Variants in CDH13 observed in about 807,000 individuals in gnomAD.
CDH13 encodes the protein cadherin 13.
A neutral mutation model predicts 63.8 loss-of-function variants in CDH13; 24 were observed. That is an observed-to-expected ratio of 0.38 (90% CI 0.27 to 0.53). The LOEUF (loss-of-function observed/expected upper bound fraction) is 0.53. Among genes scored for constraint, CDH13 ranks in the 20% least tolerant of loss-of-function variants. The pLI is 0.85. For missense variants in CDH13, 1,049 were observed against 903.1 expected, an observed-to-expected ratio of 1.16 and a Z score of -2.07; for synonymous variants, 503 against 355.3, an observed-to-expected ratio of 1.42 and a Z score of -4.67.
At chr16:82,766,655 T>C (rs2035064389) in intron 1 of CDH13, among the ~76,000 whole-genome samples, 1 of 152,242 alleles carries the variant, frequency 6.6e-6, no homozygotes, top group Non-Finnish European at 1.5e-5. Context: ...GGAGCCCTCA[T>C]TGTTTATGTC....
chr16:83,635,638 G>A (rs981550523), intron 8 of CDH13, among the ~76,000 whole-genome samples: 4 of 151,972 alleles, frequency 2.6e-5, no homozygotes, highest in Non-Finnish European at 4.4e-5. Context: ...CACCACGCCC[G>A]GCCCCATTTT....
intron 6 of CDH13, among the ~76,000 whole-genome samples, chr16:83,381,129 T>G (rs1274747071): frequency 6.6e-6 from 1 of 152,208 alleles, no homozygotes; most frequent in Non-Finnish European, 1.5e-5. Context: ...TATTTCATTG[T>G]GTCCTCAATA....
At chr16:83,173,205 C>G (rs1488546399) in intron 4 of CDH13, among the ~76,000 whole-genome samples, 1 of 152,098 alleles carries the variant, frequency 6.6e-6, no homozygotes, top group Non-Finnish European at 1.5e-5. Flanking sequence ...TAACTTGTTC[C>G]TGGTCATACA....
At chr16:82,705,856 C>A (rs776398407) in intron 1 of CDH13, among the ~76,000 whole-genome samples, 2 of 152,160 alleles carry the variant, frequency 1.3e-5, no homozygotes, top group Non-Finnish European at 2.9e-5. Context: ...ATTCTGACTG[C>A]ATGAAGAAGG....
chr16:82,821,131 C>G (rs1045946737), intron 1 of CDH13, among the ~76,000 whole-genome samples: 3 of 152,176 alleles, frequency 2.0e-5, no homozygotes, highest in Non-Finnish European at 2.9e-5. Flanking sequence ...ACTTCAGCAG[C>G]AACAACATTA....
intron 5 of CDH13, among the ~76,000 whole-genome samples, chr16:83,233,830 A>G (rs774627119): frequency 2.0e-5 from 3 of 152,154 alleles, no homozygotes; most frequent in Admixed American, 6.5e-5. Flanking sequence ...AACATAGTCA[A>G]AGTTTCCAGA....
At chr16:83,015,346 T>C (rs776688622) in intron 2 of CDH13, among the ~76,000 whole-genome samples, 8 of 151,922 alleles carry the variant, frequency 5.3e-5, no homozygotes, top group Non-Finnish European at 1.0e-4. Context: ...TGCAATTCAG[T>C]GATCAATAGA....
intron 3 of CDH13, among the ~76,000 whole-genome samples, chr16:83,059,950 C>A (rs2031375383): frequency 6.6e-6 from 1 of 151,854 alleles, no homozygotes; most frequent in Non-Finnish European, 1.5e-5. Context: ...CCCGCCAGCA[C>A]ACCCAGCTAA....
chr16:83,632,430 A>G (rs1910867198), intron 8 of CDH13, among the ~76,000 whole-genome samples: 1 of 152,086 alleles, frequency 6.6e-6, no homozygotes, highest in African/African-American at 2.4e-5. Flanking sequence ...TCCGTGCATG[A>G]CAAGGTGCTG....
intron 5 of CDH13, 144 bp from the exon 6 acceptor site, chr16:83,344,718 G>C (rs2090800377): frequency 4.1e-6 from 3 of 723,606 alleles, no homozygotes; most frequent in East Asian, 2.7e-5. Flanking sequence ...TCTAGTCCCA[G>C]TGACTATCCT....
intron 2 of CDH13, among the ~76,000 whole-genome samples, chr16:82,897,944 T>C (rs1174271195): frequency 1.3e-5 from 2 of 152,270 alleles, no homozygotes; most frequent in Non-Finnish European, 2.9e-5. Context: ...TTAATCTTTA[T>C]GCCTCTGATG....
At chr16:82,731,983 A>G (rs935382576) in intron 1 of CDH13, among the ~76,000 whole-genome samples, 2 of 152,092 alleles carry the variant, frequency 1.3e-5, no homozygotes, top group Non-Finnish European at 2.9e-5. Flanking sequence ...CCCTTTGCCT[A>G]CCTAACTCCT....
chr16:83,272,493 G>T (rs941111607), intron 5 of CDH13, among the ~76,000 whole-genome samples: 9 of 152,146 alleles, frequency 5.9e-5, no homozygotes, highest in Admixed American at 5.2e-4. Context: ...GTTCAAACTT[G>T]AATTTTTAAA....
At chr16:83,764,603 G>C (rs1054700468) in intron 11 of CDH13, among the ~76,000 whole-genome samples, 1 of 151,998 alleles carries the variant, frequency 6.6e-6, no homozygotes, top group African/African-American at 2.4e-5. Flanking sequence ...TCCTCTGTGA[G>C]GCTCCCACCC....
In CDH13 at chr16:83,217,218, T is replaced by C. The variant is rs140674215; in HGVS notation, c.484-127T>C. 6 of 830,540 alleles carry C rather than the reference T, an allele frequency of 7.2e-6. No individual in the cohort carries two copies. In the African/African-American group the frequency reaches 1.0e-4, roughly 14 times the overall value. The allele number at this position is 830,540 out of a possible 1,614,324, so 51.4% of individuals were successfully genotyped here. On this transcript the variant is annotated intron_variant, in intron 4 of 13. Coordinates refer to ENST00000567109, the MANE Select transcript of CDH13 (RefSeq NM_001257.5). ...TTCTGGTGCTGTTACTTTAGTCAAA[T>C]CTGTGTTCACCAGGTACCCATGTGC... is the stretch of plus-strand genomic sequence containing the variant.
rs974614384 is a variant in CDH13 at position 83,386,746 on chromosome 16, GT to G, written c.781+41743del. 4.6e-4 allele frequency among the ~76,000 whole-genome samples: 70 copies of G among 152,222 alleles called. 2 individuals are homozygous for G. Among genetic ancestry groups the G allele is most frequent in the African/African-American group, 1.7e-3 (69 of 41,450 alleles). On this transcript the variant is annotated intron_variant, in intron 6 of 13. Coordinates refer to ENST00000567109, the MANE Select transcript of CDH13 (RefSeq NM_001257.5). ...AAATCTAACCATGGTGGCTTAAACA[GT>G]TTGGGGGATGTTTGTTGGCTGCTGG...
chr16:82,682,224 C>G (rs899808551), intron 1 of CDH13, among the ~76,000 whole-genome samples: 4 of 152,186 alleles, frequency 2.6e-5, no homozygotes, highest in African/African-American at 9.7e-5. Context: ...ACAGAATCCC[C>G]TAGGGAAAGT....
At chr16:82,791,623 G>C (rs112379981) in intron 1 of CDH13, among the ~76,000 whole-genome samples, 10 of 152,116 alleles carry the variant, frequency 6.6e-5, no homozygotes, top group African/African-American at 2.4e-4. Context: ...TGCTGCCGTC[G>C]CAGACCCGTG....
chr16:82,799,019 C>T (rs1348102314), intron 1 of CDH13, among the ~76,000 whole-genome samples: 1 of 152,086 alleles, frequency 6.6e-6, no homozygotes, highest in Non-Finnish European at 1.5e-5. Context: ...CACCAGAGTC[C>T]TTGTTTAATC....
Sources: gnomAD v4.1 joint callset for allele counts (sites outside exome capture counted in the v4.1 genomes callset) on GRCh38, gnomAD v4.1.1 for gene constraint, MANE v1.5 for transcripts, NCBI Gene and HGNC (gene_info 2026-07-23, HGNC 2026-07-21) for gene names.